The following SDK1 variants were observed in gnomAD, a reference collection of about 807,000 sequenced individuals.
SDK1 encodes protein sidekick-1.
Under a neutral mutation model 245.5 loss-of-function variants are expected in SDK1, and 157 were observed. The observed-to-expected ratio is 0.64, with a 90% CI of 0.56 to 0.73. SDK1 has a LOEUF of 0.73. Among genes scored for constraint, SDK1 ranks in the 30% least tolerant of loss-of-function variants. The pLI is 0.00. For missense variants in SDK1, 3,583 were observed against 3,002.3 expected, an observed-to-expected ratio of 1.19 and a Z score of -4.52; for synonymous variants, 1,647 against 1,278.5, an observed-to-expected ratio of 1.29 and a Z score of -6.15.
chr7:3,448,880 T>C (rs1473524016), intron 1 of SDK1, among the ~76,000 whole-genome samples: 2 of 152,212 alleles, frequency 1.3e-5, no homozygotes. Context: ...AAATGCTACC[T>C]GTTACTCTTT....
At chr7:3,858,196 G>A (rs913165391) in intron 5 of SDK1, among the ~76,000 whole-genome samples, 5 of 152,136 alleles carry the variant, frequency 3.3e-5, no homozygotes, top group Non-Finnish European at 7.4e-5. Context: ...ATACGTTTTT[G>A]TGTGGTGAAA....
At chr7:3,636,198 T>A (rs1782453142) in intron 2 of SDK1, among the ~76,000 whole-genome samples, 1 of 152,184 alleles carries the variant, frequency 6.6e-6, no homozygotes, top group South Asian at 2.1e-4. Flanking sequence ...CCTCCTGCCC[T>A]CTTCATTATT....
At chr7:3,820,187 G>T (rs925033219) in intron 4 of SDK1, among the ~76,000 whole-genome samples, 4 of 152,010 alleles carry the variant, frequency 2.6e-5, no homozygotes, top group East Asian at 1.9e-4. Flanking sequence ...GTCTTGCTCT[G>T]TCACCAGGCT....
intron 44 of SDK1, among the ~76,000 whole-genome samples, chr7:4,256,918 A>C (rs1302671434): frequency 1.3e-5 from 2 of 152,250 alleles, no homozygotes; most frequent in Non-Finnish European, 2.9e-5. Flanking sequence ...AAAATTCTGC[A>C]GATCCGTTCC....
intron 1 of SDK1, among the ~76,000 whole-genome samples, chr7:3,356,807 C>T (rs868642804): frequency 6.6e-6 from 1 of 152,092 alleles, no homozygotes; most frequent in East Asian, 1.9e-4. Context: ...CCTGTAATCC[C>T]AGCACTTTGG....
intron 1 of SDK1, among the ~76,000 whole-genome samples, chr7:3,431,849 A>T (rs986214131): frequency 1.3e-5 from 2 of 151,102 alleles, no homozygotes; most frequent in African/African-American, 4.9e-5. Context: ...ATTAGATCTC[A>T]CATAAATCAG....
rs1266698114 is a variant in SDK1 at position 3,610,832 on chromosome 7, A to G, written c.299-8248A>G. On this transcript the variant is annotated intron_variant, in intron 1 of 44. Transcript: ENST00000404826. ...CTATTCACAGTGCTGTTTAATGGAA[A>G]TCTCAGGGACCCTCCTGCTTTCTCT... Among the ~76,000 whole-genome samples, 4 of 152,230 alleles carry G rather than the reference A, an allele frequency of 2.6e-5. No individual in the cohort carries two copies. The East Asian group carries it at 7.7e-4, about 29-fold the overall frequency.
intron 1 of SDK1, among the ~76,000 whole-genome samples, chr7:3,433,887 T>C (rs181256544): frequency 2.6e-5 from 4 of 152,364 alleles, no homozygotes; most frequent in African/African-American, 9.6e-5. Flanking sequence ...GACACAGTTT[T>C]ACATGAAAGT....
intron 5 of SDK1, among the ~76,000 whole-genome samples, chr7:3,932,401 A>G (rs944016421): frequency 6.6e-6 from 1 of 152,184 alleles, no homozygotes; most frequent in East Asian, 1.9e-4. Context: ...GACATTTAGG[A>G]AAAAAACCTT....
At chr7:3,517,674 C>G (rs940573494) in intron 1 of SDK1, among the ~76,000 whole-genome samples, 1 of 152,048 alleles carries the variant, frequency 6.6e-6, no homozygotes, top group African/African-American at 2.4e-5. Context: ...ATGTTGATGC[C>G]CACCATTGTT....
chr7:3,429,600 T>C (rs1212603854), intron 1 of SDK1, among the ~76,000 whole-genome samples: 1 of 140,364 alleles, frequency 7.1e-6, no homozygotes, highest in Non-Finnish European at 1.5e-5. Flanking sequence ...TGCAAAAGCC[T>C]ATTTTTTTTT....
chr7:3,545,422 G>A (rs1418744089), intron 1 of SDK1, among the ~76,000 whole-genome samples: 1 of 152,202 alleles, frequency 6.6e-6, no homozygotes, highest in Admixed American at 6.5e-5. Context: ...GTCACTTCTA[G>A]CATGATGGGG....
At chr7:3,619,853 A>C (rs748383228) in intron 2 of SDK1, among the ~76,000 whole-genome samples, 3 of 152,246 alleles carry the variant, frequency 2.0e-5, no homozygotes, top group African/African-American at 7.2e-5. Flanking sequence ...GTGGCAGAGC[A>C]CAAGATCAGG....
chr7:3,710,526 GTT>G (rs1785018281), intron 4 of SDK1, among the ~76,000 whole-genome samples: 1 of 152,198 alleles, frequency 6.6e-6, no homozygotes, highest in African/African-American at 2.4e-5. Flanking sequence ...AAAATCTCCT[GTT>G]TTCATGCTTG....
At chr7:3,842,429 C>T (rs1583467762) in intron 5 of SDK1, among the ~76,000 whole-genome samples, 1 of 146,780 alleles carries the variant, frequency 6.8e-6, no homozygotes. Context: ...GGCATGGGTA[C>T]TGGGTCACTG....
At chr7:3,872,532 A>G (rs1338679894) in intron 5 of SDK1, among the ~76,000 whole-genome samples, 1 of 148,608 alleles carries the variant, frequency 6.7e-6, no homozygotes, top group Non-Finnish European at 1.5e-5. Flanking sequence ...GAATTAGTTC[A>G]TGTCATCTAA....
chr7:4,186,817 C>T (rs368799465), intron 35 of SDK1, among the ~76,000 whole-genome samples: 1 of 152,144 alleles, frequency 6.6e-6, no homozygotes, highest in Non-Finnish European at 1.5e-5. Flanking sequence ...ATAGACAGTG[C>T]GGGTACAGGC....
chr7:4,031,787 G>A (rs2128158802), intron 17 of SDK1, among the ~76,000 whole-genome samples: 1 of 152,114 alleles, frequency 6.6e-6, no homozygotes, highest in Non-Finnish European at 1.5e-5. Flanking sequence ...AGCACTTTGG[G>A]AGGCCGAGGT....
chr7:4,160,866 G>T (rs568531413), intron 31 of SDK1, among the ~76,000 whole-genome samples: 2 of 152,168 alleles, frequency 1.3e-5, no homozygotes, highest in African/African-American at 2.4e-5. Context: ...GGCTGAGGAG[G>T]GGGTGTCTGG....
Sources: gnomAD v4.1 joint callset for allele counts (sites outside exome capture counted in the v4.1 genomes callset) on GRCh38, gnomAD v4.1.1 for gene constraint, MANE v1.5 for transcripts, NCBI Gene and HGNC (gene_info 2026-07-23, HGNC 2026-07-21) for gene names.